The following KIF27 variants were observed in gnomAD, a reference collection of about 807,000 sequenced individuals.
KIF27 encodes the protein kinesin family member 27, also known as kinesin-like protein KIF27.
KIF27 carries 84 observed loss-of-function variants against 141.8 expected under a neutral mutation model. The observed-to-expected ratio is 0.59, with a 90% CI of 0.50 to 0.71. The LOEUF (loss-of-function observed/expected upper bound fraction) is 0.71. KIF27 is among the 30% of genes least tolerant of loss of function. KIF27 has a pLI of 0.00. For synonymous variants in KIF27, 471 were observed against 569.5 expected, an observed-to-expected ratio of 0.83 and a Z score of 2.46; for missense variants, 1,306 against 1,628.4, an observed-to-expected ratio of 0.80 and a Z score of 3.41.
At chr9:83,918,643 A>C (rs1463734719) in intron 1 of KIF27, among the ~76,000 whole-genome samples, 1 of 152,168 alleles carries the variant, frequency 6.6e-6, no homozygotes, top group Non-Finnish European at 1.5e-5. Flanking sequence ...AATGCAATCA[A>C]AATCACAATG....
At chr9:83,910,243 C>G (rs1450894569) in intron 2 of KIF27, among the ~76,000 whole-genome samples, 3 of 151,948 alleles carry the variant, frequency 2.0e-5, no homozygotes, top group Non-Finnish European at 4.4e-5. Context: ...CTAGTGGGAG[C>G]CACGTTATAA....
intron 5 of KIF27, among the ~76,000 whole-genome samples, chr9:83,892,365 C>A (rs1480513028): frequency 1.3e-5 from 2 of 151,794 alleles, no homozygotes; most frequent in Admixed American, 6.6e-5. Flanking sequence ...CTTACATTGC[C>A]TGGGAAAAGG....
chr9:83,897,095 ATAAAG>A lies in KIF27; in HGVS notation c.1602+2561_1602+2565del, dbSNP rs1953338535. On this transcript the variant is annotated intron_variant, in intron 5 of 17. Transcript: ENST00000297814. ...TCTATAGTATGTGAATTATATCTCA[ATAAAG>A]TAATTATTTTAAAAATTTAAAAATT... Among the ~76,000 whole-genome samples the A allele has an allele frequency of 2.0e-5, 3 of 152,278 alleles. No individual in the cohort carries two copies. The South Asian group carries it at 6.2e-4, about 32-fold the overall frequency.
At chr9:83,860,465 T>A (rs1001816752) in intron 13 of KIF27, among the ~76,000 whole-genome samples, 1 of 152,220 alleles carries the variant, frequency 6.6e-6, no homozygotes, top group African/African-American at 2.4e-5. Context: ...TCTCCCAATA[T>A]AAGTTACATT....
rs1587815946 is a variant in KIF27, at chr9:83,834,371, G to A, written c.*2630C>T. On this transcript the variant is annotated 3_prime_UTR_variant, in exon 18 of 18. Transcript: ENST00000297814. ...TTCATTTCCAGAATATATTATTCAC[G>A]ACGTTATTTATATGTGTGTTTGCAT... is the stretch of plus-strand genomic sequence containing the variant. Among the ~76,000 whole-genome samples, 1 of 151,936 alleles carries A rather than the reference G, an allele frequency of 6.6e-6. No homozygotes were observed. Among genetic ancestry groups the A allele is most frequent in the Non-Finnish European group, 1.5e-5 (1 of 67,954 alleles).
intron 15 of KIF27, among the ~76,000 whole-genome samples, chr9:83,852,452 CAA>C (rs776901581): frequency 1.8e-4 from 19 of 103,836 alleles, no homozygotes; most frequent in East Asian, 5.6e-4. Flanking sequence ...GACTCTGTCT[CAA>C]AAAAAAAAAA....
In KIF27 at chr9:83,835,735, T is replaced by C. The variant is rs974922961; in HGVS notation, c.*1266A>G. ...GTAGCAGCACTACATCAGAAAAAAA[T>C]GGATTCAGCAAGGAAGTGGGTGACT... On this transcript the variant is annotated 3_prime_UTR_variant, in exon 18 of 18. Transcript: ENST00000297814. The C allele has an allele frequency of 6.6e-6, 1 of 151,946 alleles. No homozygotes were observed. The highest frequency in any genetic ancestry group is 1.5e-5 in the Non-Finnish European group (1 of 67,984). 9.4% of individuals were successfully genotyped at this position (151,946 alleles called of 1,614,324 possible).
intron 11 of KIF27, among the ~76,000 whole-genome samples, chr9:83,872,955 C>T (rs893051421): frequency 4.6e-5 from 7 of 152,150 alleles, no homozygotes; most frequent in Non-Finnish European, 5.9e-5. Context: ...GAAAGAGACC[C>T]CAGTTGGACT....
intron 14 of KIF27, 165 bp downstream of exon 14, chr9:83,858,991 G>A (rs969958572): frequency 3.8e-5 from 24 of 627,456 alleles, no homozygotes; most frequent in Middle Eastern, 3.0e-4. Flanking sequence ...CTAGTCCAGC[G>A]TGGTTTATGG....
At position 83,903,852 on chromosome 9, in the gene KIF27, C is replaced by T. The variant is rs1438791398; in HGVS notation, c.666G>A (p.Met222Ile). Residue 222 changes from methionine (M) to isoleucine (I), a missense_variant, in exon 4 of 18, where the codon ATG becomes ATA. Physicochemically the swap from Met to Ile is conservative, Grantham distance 10. This residue lies in a region of KIF27 where 533 missense variants were observed against 565.6 expected (regional missense o/e 0.94). Coordinates refer to ENST00000297814, the MANE Select transcript of KIF27 (RefSeq NM_017576.4). ...TISICQVHKN[M>I]EAAEDGSWYS... ...ACCATGATCCATCTTCAGCTGCCTC[C>T]ATATTTTTATGAACTTGACAAATGC... 1.2e-5 allele frequency: 19 copies of T among 1,614,030 alleles called. No individual in the cohort carries two copies. Among genetic ancestry groups the T allele is most frequent in the Non-Finnish European group, 1.4e-5 (16 of 1,180,034 alleles).
At chr9:83,838,175 G>A (rs1005438775) in intron 17 of KIF27, among the ~76,000 whole-genome samples, 2 of 152,082 alleles carry the variant, frequency 1.3e-5, no homozygotes, top group Non-Finnish European at 2.9e-5. Context: ...GATGAAAAAT[G>A]CCAACTTCAA....
At chr9:83,898,712 T>C (rs1195884585) in intron 5 of KIF27, 6 of 152,146 alleles carry the variant, frequency 3.9e-5, no homozygotes, top group South Asian at 2.1e-4. Context: ...TCTCAGCACT[T>C]TGGGAAGCTG....
intron 5 of KIF27, among the ~76,000 whole-genome samples, chr9:83,895,057 C>G (rs1279632718): frequency 1.3e-5 from 2 of 150,806 alleles, no homozygotes; most frequent in African/African-American, 4.9e-5. Context: ...CAAGACCATC[C>G]TGGCTAACAC....
intron 9 of KIF27, among the ~76,000 whole-genome samples, chr9:83,885,612 AT>A (rs142490058): frequency 0.018 from 2,694 of 152,272 alleles, 95 homozygotes; most frequent in African/African-American, 0.062. Flanking sequence ...CACTAAAAAA[AT>A]ATACAGTGCC....
At chr9:83,893,252 C>T (rs542725677) in intron 5 of KIF27, among the ~76,000 whole-genome samples, 2 of 152,250 alleles carry the variant, frequency 1.3e-5, no homozygotes, top group South Asian at 4.2e-4. Context: ...GAGATTTTAA[C>T]ATCACTTTAT....
intron 11 of KIF27, among the ~76,000 whole-genome samples, chr9:83,879,637 C>T (rs1385454179): frequency 6.6e-6 from 1 of 151,678 alleles, no homozygotes; most frequent in East Asian, 1.9e-4. Flanking sequence ...TTCAAAAAAG[C>T]CCTGTGGGAC....
intron 8 of KIF27, 128 bp downstream of exon 8, chr9:83,888,361 A>G (rs181960259): frequency 2.3e-6 from 1 of 436,034 alleles, no homozygotes; most frequent in East Asian, 3.6e-5. Flanking sequence ...AGTTCTACCA[A>G]CTAGGAAAGC....
At position 83,850,662 on chromosome 9, in the gene KIF27, A is replaced by C. The variant is rs1482033810; in HGVS notation, c.3358-365T>G. Among the ~76,000 whole-genome samples, 3 of 151,532 alleles carry C rather than the reference A, an allele frequency of 2.0e-5. No homozygotes were observed. The East Asian group carries it at 6.0e-4, about 30-fold the overall frequency. On this transcript the variant is annotated intron_variant, in intron 15 of 17. Coordinates refer to ENST00000297814, the MANE Select transcript of KIF27 (RefSeq NM_017576.4). The stretch of plus-strand genomic sequence containing the variant: ...GCTGGGTGTGGTGGTGCACGCCTGT[A>C]ATCCCAGCTACTTGGGAGGCTGAAG...
chr9:83,841,334 G>A (rs1372650618), intron 17 of KIF27, among the ~76,000 whole-genome samples: 1 of 152,188 alleles, frequency 6.6e-6, no homozygotes, highest in African/African-American at 2.4e-5. Flanking sequence ...GCCTCCCAAA[G>A]TGCTGGGATT....
Sources: gnomAD v4.1 joint callset for allele counts (sites outside exome capture counted in the v4.1 genomes callset) on GRCh38, gnomAD v4.1.1 for gene constraint, gnomAD v4.1.1 regional missense constraint, MANE v1.5 for transcripts, NCBI Gene and HGNC (gene_info 2026-07-23, HGNC 2026-07-21) for gene names.